KDM5B: variants seen among roughly 807,000 people sequenced by gnomAD.
KDM5B encodes the protein lysine demethylase 5B.
Under a neutral mutation model 193.4 loss-of-function variants are expected in KDM5B, and 144 were observed. That is an observed-to-expected ratio of 0.74 (90% CI 0.65 to 0.86). KDM5B has a LOEUF of 0.86. Among genes scored for constraint, KDM5B ranks in the 40% least tolerant of loss-of-function variants. The pLI, the probability that KDM5B is intolerant of heterozygous loss-of-function variation, is 0.00. For synonymous variants in KDM5B, 668 were observed against 682.6 expected (o/e 0.98, Z 0.33); for missense variants, 1,833 against 1,886.9 (o/e 0.97, Z 0.53).
rs1362741058 is a variant in KDM5B at position 202,728,315 on chromosome 1, T to A, written c.*721A>T. On this transcript the variant is annotated 3_prime_UTR_variant, in exon 27 of 27. Coordinates refer to ENST00000367265, the MANE Select transcript of KDM5B (RefSeq NM_006618.5). ...GAAAGCCAAAATACAGCTGTGGCAA[T>A]TACTTACAGAGAAGTCTCTTTTCTA... The A allele has an allele frequency of 6.6e-6, 1 of 152,656 alleles. No individual in the cohort carries two copies. Among genetic ancestry groups the A allele is most frequent in the Non-Finnish European group, 1.5e-5 (1 of 68,040 alleles). The allele number at this position is 152,656 out of a possible 1,614,324, so 9.5% of individuals were successfully genotyped here.
chr1:202,739,433 A>G (rs1421218622), intron 20 of KDM5B, among the ~76,000 whole-genome samples: 2 of 149,594 alleles, frequency 1.3e-5, no homozygotes, highest in East Asian at 2.0e-4. Context: ...CAACTTTCCA[A>G]TATTGCTCTT....
intron 6 of KDM5B, 68 bp downstream of exon 6, chr1:202,763,981 T>C (rs1247679983): frequency 2.2e-6 from 2 of 891,524 alleles, no homozygotes; most frequent in East Asian, 5.3e-5. Flanking sequence ...TCAGCTTATG[T>C]TTACTTATGA....
chr1:202,796,352 A>G, intron 1 of KDM5B: 2 of 335,146 alleles, frequency 6.0e-6, no homozygotes, highest in South Asian at 2.7e-5. Flanking sequence ...GCCTCTGTGA[A>G]GATTCTGAGG....
At position 202,739,418 on chromosome 1, in the gene KDM5B, C is replaced by A. The variant is rs138205083; in HGVS notation, c.3084+1256G>T. Among the ~76,000 whole-genome samples the A allele has an allele frequency of 9.2e-4, 139 of 151,356 alleles. 1 individual carries two copies. The East Asian group carries it at 0.017, about 18-fold the overall frequency. On this transcript the variant is annotated intron_variant, in intron 20 of 26. Coordinates refer to ENST00000367265, the MANE Select transcript of KDM5B (RefSeq NM_006618.5). ...GTGCAGCAAGATCCAACGTATTATT[C>A]TTCACAACTTTCCAATATTGCTCTT...
chr1:202,776,871 A>G, intron 2 of KDM5B, 146 bp downstream of exon 2: 1 of 642,982 alleles, frequency 1.6e-6, no homozygotes, highest in Non-Finnish European at 2.8e-6. Flanking sequence ...CCTGTTCTCT[A>G]CAGAAAGAAA....
rs539567300 is a variant in KDM5B, at chr1:202,797,721, A to C, written c.204+10381T>G. 2.0e-5 allele frequency among the ~76,000 whole-genome samples: 3 copies of C among 152,380 alleles called. No individual in the cohort carries two copies. In the South Asian group the frequency reaches 6.2e-4, roughly 32 times the overall value. On this transcript the variant is annotated intron_variant, in intron 1 of 26. Coordinates refer to ENST00000367265, the MANE Select transcript of KDM5B (RefSeq NM_006618.5). The stretch of plus-strand genomic sequence containing the variant: ...ATTTGCGTGGCTTCCACAATGTCAC[A>C]GTCATCCCATATTAGGGGAAATTTA...
chr1:202,799,050 T>TG (rs1657968449), intron 1 of KDM5B, among the ~76,000 whole-genome samples: 1 of 152,000 alleles, frequency 6.6e-6, no homozygotes, highest in African/African-American at 2.4e-5. Flanking sequence ...CTTCACTATA[T>TG]GGGAAAATGA....
intron 21 of KDM5B, among the ~76,000 whole-genome samples, chr1:202,735,836 C>T (rs1655072362): frequency 6.6e-6 from 1 of 152,174 alleles, no homozygotes; most frequent in Non-Finnish European, 1.5e-5. Flanking sequence ...TGATCCCAGT[C>T]ATGATGCACA....
chr1:202,781,417 G>GT (rs1243710531), intron 1 of KDM5B, among the ~76,000 whole-genome samples: 1 of 152,222 alleles, frequency 6.6e-6, no homozygotes, highest in Non-Finnish European at 1.5e-5. Context: ...GTAATTATCG[G>GT]TAAGGCCTTC....
chr1:202,751,652 A>C (rs1486326349), intron 12 of KDM5B, among the ~76,000 whole-genome samples: 2 of 152,226 alleles, frequency 1.3e-5, no homozygotes, highest in Non-Finnish European at 2.9e-5. Context: ...CAATAGAGTT[A>C]TTAGATCAGT....
chr1:202,737,105 C>A (rs962358628), intron 20 of KDM5B, among the ~76,000 whole-genome samples: 2 of 152,166 alleles, frequency 1.3e-5, no homozygotes, highest in Non-Finnish European at 1.5e-5. Flanking sequence ...TAACTCAAGA[C>A]TTTCATACTG....
chr1:202,766,614 A>T, intron 5 of KDM5B: 1 of 455,166 alleles, frequency 2.2e-6, no homozygotes, highest in East Asian at 5.3e-5. Flanking sequence ...TCCATTAAAC[A>T]ACGCCAATTT....
intron 9 of KDM5B, 152 bp downstream of exon 9, chr1:202,758,239 T>C (rs1656097723): frequency 3.8e-6 from 2 of 527,168 alleles, no homozygotes; most frequent in African/African-American, 3.9e-5. Flanking sequence ...TATTGTGAAA[T>C]TTTAAATACC....
rs1282192693 is a variant in KDM5B at position 202,779,552 on chromosome 1, T to TCC, written c.205-2460_205-2459dup. On this transcript the variant is annotated intron_variant, in intron 1 of 26. Coordinates refer to ENST00000367265, the MANE Select transcript of KDM5B (RefSeq NM_006618.5). ...CAGGCGCACTGGCTCACACCAGTAATCCCAGCACTCTGGGAGTCCGAGGCA... is the reference window on the plus strand; with the variant it reads ...CAGGCGCACTGGCTCACACCAGTAATCCCCCAGCACTCTGGGAGTCCGAGGCA... 2.7e-5 allele frequency among the ~76,000 whole-genome samples: 4 copies of TCC among 150,650 alleles called. No individual in the cohort carries two copies. In the South Asian group the frequency reaches 6.3e-4, roughly 24 times the overall value.
rs200364742 is a variant in KDM5B at position 202,798,463 on chromosome 1, CT to C, written c.204+9638del. Reference sequence around the variant, plus strand: ...TCTGGTTTTGATGATGGGTTTTTGCCTTTTTTTGGGGTTGCGGGGTGCGGTT... The same window carrying C: ...TCTGGTTTTGATGATGGGTTTTTGCCTTTTTTGGGGTTGCGGGGTGCGGTT... On this transcript the variant is annotated intron_variant, in intron 1 of 26. Coordinates refer to ENST00000367265, the MANE Select transcript of KDM5B (RefSeq NM_006618.5). Among the ~76,000 whole-genome samples the C allele has an allele frequency of 4.0e-3, 604 of 151,880 alleles. 10 individuals carry two copies. The highest frequency in any genetic ancestry group is 0.014 in the African/African-American group (589 of 41,408).
intron 12 of KDM5B, 97 bp downstream of exon 12, chr1:202,752,806 AAC>A (rs1655843949): frequency 3.4e-6 from 4 of 1,170,954 alleles, no homozygotes; most frequent in Non-Finnish European, 4.9e-6. Context: ...TGCTATGGAA[AAC>A]ACAGAACTAA....
intron 3 of KDM5B, 22 bp downstream of exon 3, chr1:202,774,591 A>G (rs1263226150): frequency 1.3e-6 from 2 of 1,592,246 alleles, no homozygotes; most frequent in Admixed American, 3.5e-5. Flanking sequence ...TAAAATAAGT[A>G]AGATGGTCAT....
intron 12 of KDM5B, 51 bp downstream of exon 12, chr1:202,752,854 G>C: frequency 2.0e-6 from 3 of 1,512,804 alleles, no homozygotes; most frequent in Non-Finnish European, 2.7e-6. Context: ...AAAGGAAAAA[G>C]AGAAGTGGTG....
chr1:202,770,783 T>G (rs1165160319), intron 4 of KDM5B, among the ~76,000 whole-genome samples: 3 of 152,202 alleles, frequency 2.0e-5, no homozygotes, highest in African/African-American at 7.2e-5. Flanking sequence ...GGTGGAAGGA[T>G]CAGGAGTGAT....
Sources: allele counts gnomAD v4.1 joint callset (sites outside exome capture counted in the v4.1 genomes callset), GRCh38; gene constraint gnomAD v4.1.1; transcripts MANE v1.5; gene names NCBI Gene and HGNC (gene_info 2026-07-23, HGNC 2026-07-21).